Variants in RBFOX1 observed in about 807,000 individuals in gnomAD.
RBFOX1 encodes the protein RNA binding fox-1 homolog 1.
RBFOX1 carries 8 observed loss-of-function variants against 57.7 expected under a neutral mutation model. The ratio of observed to expected loss-of-function variants is 0.14; its 90% confidence interval spans 0.08 to 0.25. The LOEUF is 0.25. Ranked by LOEUF, RBFOX1 falls within the 10% of genes least tolerant of loss-of-function variation. The pLI, the probability that RBFOX1 is intolerant of heterozygous loss-of-function variation, is 1.00. For missense variants in RBFOX1, 611 were observed against 548.5 expected, an observed-to-expected ratio of 1.11 and a Z score of -1.14; for synonymous variants, 326 against 222.4, an observed-to-expected ratio of 1.47 and a Z score of -4.15.
intron 2 of RBFOX1, among the ~76,000 whole-genome samples, chr16:6,538,971 T>C (rs1418580189): frequency 6.6e-6 from 1 of 152,162 alleles, no homozygotes; most frequent in African/African-American, 2.4e-5. Flanking sequence ...TTTGTTGGTG[T>C]TTTTACCTCC....
intron 1 of RBFOX1, among the ~76,000 whole-genome samples, chr16:5,427,527 G>A (rs768976531): frequency 6.6e-6 from 1 of 152,174 alleles, no homozygotes; most frequent in Non-Finnish European, 1.5e-5. Flanking sequence ...GGAGGTTGCA[G>A]TGAGCTGAGA....
At chr16:7,705,716 C>CAT (rs2082221091) in intron 14 of RBFOX1, among the ~76,000 whole-genome samples, 1 of 152,034 alleles carries the variant, frequency 6.6e-6, no homozygotes, top group Non-Finnish European at 1.5e-5. Context: ...AGATTTGATA[C>CAT]ATGTAAATAG....
chr16:6,097,944 C>G lies in RBFOX1; in HGVS notation c.-127+77952C>G, dbSNP rs1025826909. Among the ~76,000 whole-genome samples the G allele has an allele frequency of 6.6e-6, 1 of 152,098 alleles. No homozygotes were observed. The highest frequency in any genetic ancestry group is 1.5e-5 in the Non-Finnish European group (1 of 68,026). Reference sequence around the variant, plus strand: ...CAATGAGTCCTGGAGGGCTTTTAAACCATAGATGATCAGGGCCCCTGCTTG... The same window carrying G: ...CAATGAGTCCTGGAGGGCTTTTAAAGCATAGATGATCAGGGCCCCTGCTTG... On this transcript the variant is annotated intron_variant, in intron 1 of 15. Coordinates refer to ENST00000550418, the MANE Select transcript of RBFOX1 (RefSeq NM_018723.4). The surrounding 1 kb of genome is among the most constrained non-coding windows in gnomAD (Gnocchi z 5.0).
chr16:5,641,439 G>A (rs1166481615), intron 3 of RBFOX1, among the ~76,000 whole-genome samples: 3 of 152,224 alleles, frequency 2.0e-5, no homozygotes, highest in Non-Finnish European at 2.9e-5. Context: ...GCAGGCTGAG[G>A]GGAGAAAGAG....
intron 3 of RBFOX1, among the ~76,000 whole-genome samples, chr16:5,744,664 T>C (rs11859744): frequency 0.037 from 5,596 of 152,260 alleles, 345 homozygotes; most frequent in African/African-American, 0.13. Flanking sequence ...CGATCTGAAA[T>C]TAAATGAAAT....
chr16:6,959,515 C>A (rs1247021236), intron 3 of RBFOX1, among the ~76,000 whole-genome samples: 1 of 151,976 alleles, frequency 6.6e-6, no homozygotes, highest in South Asian at 2.1e-4. Flanking sequence ...ATTTTTTACC[C>A]TCTCTCATTC....
intron 4 of RBFOX1, among the ~76,000 whole-genome samples, chr16:7,393,681 G>C (rs1885659934): frequency 6.6e-6 from 1 of 152,072 alleles, no homozygotes; most frequent in African/African-American, 2.4e-5. Flanking sequence ...ATTGTGCCAA[G>C]GATTATTTCA....
At chr16:6,653,158 C>G (rs1186475590) in intron 2 of RBFOX1, among the ~76,000 whole-genome samples, 1 of 152,156 alleles carries the variant, frequency 6.6e-6, no homozygotes, top group African/African-American at 2.4e-5. Flanking sequence ...TAACTTCCTT[C>G]AAGCCTTTTC....
chr16:5,908,430 A>G (rs2058530993), intron 4 of RBFOX1, among the ~76,000 whole-genome samples: 2 of 151,420 alleles, frequency 1.3e-5, no homozygotes, highest in South Asian at 2.1e-4. Flanking sequence ...TTGGCTCACT[A>G]CATCCTCTGC....
intron 4 of RBFOX1, among the ~76,000 whole-genome samples, chr16:5,953,369 G>A (rs572005413): frequency 1.4e-4 from 22 of 152,016 alleles, no homozygotes; most frequent in African/African-American, 5.1e-4. Flanking sequence ...AGGTTATTTG[G>A]GGACAGGTGG....
chr16:6,125,230 C>T (rs1269090696), intron 1 of RBFOX1, among the ~76,000 whole-genome samples: 2 of 152,150 alleles, frequency 1.3e-5, no homozygotes, highest in South Asian at 4.1e-4. Flanking sequence ...AAGTTCCCTA[C>T]AATTATTACA....
intron 1 of RBFOX1, among the ~76,000 whole-genome samples, chr16:6,171,932 C>T (rs546616827): frequency 3.2e-4 from 49 of 152,130 alleles, no homozygotes; most frequent in African/African-American, 9.9e-4. Flanking sequence ...AGTGATTGTC[C>T]TGCCTCAGCC....
At chr16:7,564,106 G>A (rs960849912) in intron 5 of RBFOX1, among the ~76,000 whole-genome samples, 1 of 152,124 alleles carries the variant, frequency 6.6e-6, no homozygotes, top group Non-Finnish European at 1.5e-5. Context: ...AACCACCAAA[G>A]GGATGGTGTT....
chr16:7,422,443 T>G (rs1210061164), intron 4 of RBFOX1, among the ~76,000 whole-genome samples: 1 of 152,122 alleles, frequency 6.6e-6, no homozygotes, highest in Admixed American at 6.5e-5. Flanking sequence ...TTCGGTTGCC[T>G]TTTTCATTAT....
At chr16:6,574,467 C>T (rs946226888) in intron 2 of RBFOX1, among the ~76,000 whole-genome samples, 26 of 123,658 alleles carry the variant, frequency 2.1e-4, no homozygotes, top group Admixed American at 6.9e-4. Context: ...CTTGCTCTGT[C>T]GCTCAGGCTG....
At chr16:6,846,157 C>T (rs568856328) in intron 3 of RBFOX1, among the ~76,000 whole-genome samples, 1 of 152,298 alleles carries the variant, frequency 6.6e-6, no homozygotes, top group Non-Finnish European at 1.5e-5. Flanking sequence ...CCCAGAGCTG[C>T]TTACACGGTG....
intron 5 of RBFOX1, among the ~76,000 whole-genome samples, chr16:7,562,176 C>G (rs2090538376): frequency 6.6e-6 from 1 of 152,128 alleles, no homozygotes; most frequent in African/African-American, 2.4e-5. Flanking sequence ...GACATGTTCC[C>G]AAAATTAGTT....
At chr16:5,831,100 A>C (rs887833371) in intron 3 of RBFOX1, among the ~76,000 whole-genome samples, 1 of 152,176 alleles carries the variant, frequency 6.6e-6, no homozygotes. Context: ...TACGTGCCAC[A>C]GAGTAGGCAT....
intron 4 of RBFOX1, among the ~76,000 whole-genome samples, chr16:7,442,398 C>T (rs976891958): frequency 3.3e-5 from 5 of 152,086 alleles, no homozygotes; most frequent in Non-Finnish European, 7.4e-5. Context: ...CAGCATTTGT[C>T]GAACTCTGGG....
Sources: gnomAD v4.1 joint callset for allele counts (sites outside exome capture counted in the v4.1 genomes callset) on GRCh38, gnomAD v4.1.1 for gene constraint, Gnocchi (gnomAD v3.1) non-coding constraint, MANE v1.5 for transcripts, NCBI Gene and HGNC (gene_info 2026-07-23, HGNC 2026-07-21) for gene names.